The following LRP1B variants were observed in gnomAD, a reference collection of about 807,000 sequenced individuals.
LRP1B encodes the protein low-density lipoprotein receptor-related protein 1B.
Under a neutral mutation model 556.6 loss-of-function variants are expected in LRP1B, and 217 were observed. The ratio of observed to expected loss-of-function variants is 0.39; its 90% CI spans 0.35 to 0.44. The LOEUF (loss-of-function observed/expected upper bound fraction) is 0.44, where lower values mean the gene tolerates loss of function less well. Ranked by LOEUF, LRP1B falls within the 20% of genes least tolerant of loss-of-function variation. LRP1B has a pLI of 1.00. For missense variants in LRP1B, 5,053 were observed against 5,620.8 expected, an observed-to-expected ratio of 0.90 and a Z score of 3.23; for synonymous variants, 2,047 against 1,865.8, an observed-to-expected ratio of 1.10 and a Z score of -2.50.
intron 15 of LRP1B, among the ~76,000 whole-genome samples, chr2:140,999,950 C>A (rs1040178969): frequency 2.0e-5 from 3 of 151,962 alleles, no homozygotes; most frequent in Non-Finnish European, 4.4e-5. Context: ...CTTGCTCTGT[C>A]ACCTAGGCTG....
intron 43 of LRP1B, among the ~76,000 whole-genome samples, chr2:140,582,061 T>C (rs1681783802): frequency 6.6e-6 from 1 of 152,096 alleles, no homozygotes; most frequent in Non-Finnish European, 1.5e-5. Context: ...CTGAATCAGG[T>C]GAGAGAACAT....
intron 41 of LRP1B, among the ~76,000 whole-genome samples, chr2:140,638,527 T>C (rs1319456612): frequency 1.3e-5 from 2 of 152,180 alleles, no homozygotes; most frequent in Non-Finnish European, 2.9e-5. Flanking sequence ...ATGATATTCC[T>C]AGCAACTAAC....
chr2:140,593,504 T>C (rs529170613), intron 43 of LRP1B, among the ~76,000 whole-genome samples: 1 of 152,314 alleles, frequency 6.6e-6, no homozygotes, highest in South Asian at 2.1e-4. Flanking sequence ...CTGGATTTTT[T>C]TGCCTTAATA....
At chr2:140,999,589 G>A (rs1697352940) in intron 15 of LRP1B, among the ~76,000 whole-genome samples, 1 of 151,994 alleles carries the variant, frequency 6.6e-6, no homozygotes, top group Non-Finnish European at 1.5e-5. Flanking sequence ...GTGATAGCCT[G>A]GGTTATTTAG....
chr2:141,595,515 A>T (rs1374613344), intron 2 of LRP1B, among the ~76,000 whole-genome samples: 1 of 152,102 alleles, frequency 6.6e-6, no homozygotes, highest in Non-Finnish European at 1.5e-5. Context: ...CAGAAAAAAG[A>T]TACTATACTA....
At chr2:141,712,882 G>A (rs1306032703) in intron 2 of LRP1B, among the ~76,000 whole-genome samples, 2 of 126,748 alleles carry the variant, frequency 1.6e-5, no homozygotes, top group African/African-American at 3.1e-5. Flanking sequence ...GTGTCACCAT[G>A]TTGGCCAGGC....
At chr2:140,315,756 A>C (rs530604837) in intron 82 of LRP1B, among the ~76,000 whole-genome samples, 14 of 152,330 alleles carry the variant, frequency 9.2e-5, no homozygotes, top group African/African-American at 3.1e-4. Context: ...GCATATGCAC[A>C]CACATACACA....
intron 1 of LRP1B, among the ~76,000 whole-genome samples, chr2:141,985,556 G>A (rs912682255): frequency 6.6e-6 from 1 of 151,804 alleles, no homozygotes; most frequent in Non-Finnish European, 1.5e-5. Flanking sequence ...AGTTAGACGT[G>A]ATGTTATAAA....
chr2:140,686,563 C>T (rs537019851), intron 41 of LRP1B, among the ~76,000 whole-genome samples: 14 of 151,922 alleles, frequency 9.2e-5, no homozygotes, highest in African/African-American at 3.4e-4. Context: ...AAAAGTAATA[C>T]TTTTATTGAT....
At chr2:141,007,223 C>A (rs1481703924) in intron 14 of LRP1B, among the ~76,000 whole-genome samples, 1 of 151,704 alleles carries the variant, frequency 6.6e-6, no homozygotes, top group African/African-American at 2.4e-5. Context: ...GTTGGATGTG[C>A]TATACGGAGG....
intron 1 of LRP1B, among the ~76,000 whole-genome samples, chr2:141,843,077 A>G (rs1282336795): frequency 6.6e-6 from 1 of 152,112 alleles, no homozygotes; most frequent in Non-Finnish European, 1.5e-5. Flanking sequence ...TTTTAGTCCA[A>G]TTGAAGATAT....
intron 51 of LRP1B, among the ~76,000 whole-genome samples, chr2:140,511,888 T>C (rs555791486): frequency 2.6e-5 from 4 of 152,322 alleles, no homozygotes; most frequent in African/African-American, 9.6e-5. Context: ...GAAAATATTT[T>C]TATATTATTC....
intron 1 of LRP1B, among the ~76,000 whole-genome samples, chr2:141,831,839 T>C (rs1426242714): frequency 2.0e-5 from 3 of 151,672 alleles, no homozygotes; most frequent in Non-Finnish European, 4.4e-5. Flanking sequence ...TTGGGCTTTC[T>C]CTTCAGTTCT....
chr2:140,719,365 GT>G (rs1228530353), intron 35 of LRP1B, among the ~76,000 whole-genome samples: 1 of 151,604 alleles, frequency 6.6e-6, no homozygotes, highest in African/African-American at 2.4e-5. Flanking sequence ...ATACAGGCAA[GT>G]ATTTTTGCAG....
At position 141,005,382 on chromosome 2, in the gene LRP1B, G is replaced by GCA; in HGVS notation, c.2454_2455dup (p.Ala819ValfsTer54). 6.2e-7 allele frequency: 1 copy of GCA among 1,610,918 alleles called. No homozygotes were observed. The highest frequency in any genetic ancestry group is 1.1e-5 in the South Asian group (1 of 90,936). On this transcript the variant is annotated frameshift_variant, in exon 15 of 91. Transcript: ENST00000389484. LOFTEE classifies it high-confidence loss of function. ...ATCCAAAAGTTGATTATCGGCACAA[G>GCA]CACACACCCGGCCTCCTGGGATAGC...
At chr2:140,644,108 G>A (rs2105305739) in intron 41 of LRP1B, among the ~76,000 whole-genome samples, 1 of 152,114 alleles carries the variant, frequency 6.6e-6, no homozygotes, top group Middle Eastern at 3.4e-3. Context: ...CCAGCTGTTT[G>A]GTCTGCTGCT....
At chr2:141,378,549 C>G (rs572589168) in intron 3 of LRP1B, among the ~76,000 whole-genome samples, 2 of 152,208 alleles carry the variant, frequency 1.3e-5, no homozygotes, top group East Asian at 1.9e-4. Context: ...GCCTGTTGTA[C>G]CAGCTACTCA....
At chr2:140,874,149 T>C (rs569125269) in intron 25 of LRP1B, among the ~76,000 whole-genome samples, 5 of 152,278 alleles carry the variant, frequency 3.3e-5, no homozygotes, top group African/African-American at 1.2e-4. Context: ...GATCAAGCTG[T>C]CTATAATTAA....
At chr2:141,370,504 G>A (rs1027667512) in intron 3 of LRP1B, among the ~76,000 whole-genome samples, 1 of 152,026 alleles carries the variant, frequency 6.6e-6, no homozygotes, top group African/African-American at 2.4e-5. Context: ...ATTTGGGGTT[G>A]TTTTTTGTTG....
Sources: allele counts gnomAD v4.1 joint callset (sites outside exome capture counted in the v4.1 genomes callset), GRCh38; gene constraint gnomAD v4.1.1; transcripts MANE v1.5; gene names NCBI Gene and HGNC (gene_info 2026-07-23, HGNC 2026-07-21).